ADAMTS6: variants seen among roughly 807,000 people sequenced by gnomAD.
ADAMTS6 encodes the protein ADAM metallopeptidase with thrombospondin type 1 motif 6.
A neutral mutation model predicts 144.3 loss-of-function variants in ADAMTS6; 23 were observed. That is an observed-to-expected ratio of 0.16 (90% CI 0.11 to 0.23). The LOEUF is 0.23. Ranked by LOEUF, ADAMTS6 falls within the 10% of genes least tolerant of loss-of-function variation. ADAMTS6 has a pLI of 1.00. For missense variants in ADAMTS6, 999 were observed against 1,379.6 expected, an observed-to-expected ratio of 0.72 and a Z score of 4.37; for synonymous variants, 444 against 457.5, an observed-to-expected ratio of 0.97 and a Z score of 0.38.
chr5:65,304,207 C>A (rs1292125211), intron 9 of ADAMTS6, among the ~76,000 whole-genome samples: 1 of 152,148 alleles, frequency 6.6e-6, no homozygotes, highest in Admixed American at 6.6e-5. Context: ...CATAAGAAAT[C>A]CCAGAAATGA....
intron 9 of ADAMTS6, among the ~76,000 whole-genome samples, chr5:65,323,665 T>C (rs1303072428): frequency 6.6e-6 from 1 of 152,192 alleles, no homozygotes; most frequent in Non-Finnish European, 1.5e-5. Context: ...ATGGTATTTC[T>C]AGTTCTAGAT....
chr5:65,253,639 C>T (rs900244646), intron 14 of ADAMTS6, among the ~76,000 whole-genome samples: 3 of 151,898 alleles, frequency 2.0e-5, no homozygotes, highest in African/African-American at 7.3e-5. Flanking sequence ...GGGTGGCTCA[C>T]ACATAACAGA....
chr5:65,292,319 TA>T (rs1742392043), intron 10 of ADAMTS6, among the ~76,000 whole-genome samples: 1 of 151,930 alleles, frequency 6.6e-6, no homozygotes, highest in Admixed American at 6.5e-5. Flanking sequence ...TTAGAATTTT[TA>T]AAGAATTCCT....
Position 65,382,154 on chromosome 5 carries a change from C to T in ADAMTS6, c.1074-48069G>A, listed in dbSNP as rs115733187. Among the ~76,000 whole-genome samples, 492 of 152,232 alleles carry T rather than the reference C, an allele frequency of 3.2e-3. 2 individuals carry two copies. Among genetic ancestry groups the T allele is most frequent in the African/African-American group, 0.011 (470 of 41,540 alleles). Reference sequence around the variant, plus strand: ...CAAGAGTTCTAAATGAAGGAAACTCCGTAACTCTTGGATTTTCTAATATAA... The same window carrying T: ...CAAGAGTTCTAAATGAAGGAAACTCTGTAACTCTTGGATTTTCTAATATAA... On this transcript the variant is annotated intron_variant, in intron 7 of 24. Transcript: ENST00000381055.
chr5:65,443,047 T>G (rs946390024), intron 7 of ADAMTS6, among the ~76,000 whole-genome samples: 2 of 152,226 alleles, frequency 1.3e-5, no homozygotes, highest in African/African-American at 4.8e-5. Context: ...CCATGGTGTA[T>G]AGGTACCACA....
intron 3 of ADAMTS6, among the ~76,000 whole-genome samples, chr5:65,468,616 T>C (rs1297874516): frequency 7.2e-5 from 11 of 152,160 alleles, no homozygotes; most frequent in Admixed American, 5.9e-4. Flanking sequence ...TCAAACTTAG[T>C]TAACACGGAC....
chr5:65,264,824 G>A (rs1359934908), intron 12 of ADAMTS6, among the ~76,000 whole-genome samples: 1 of 152,050 alleles, frequency 6.6e-6, no homozygotes. Context: ...GGCATGTAGT[G>A]TGTATGTAAC....
intron 17 of ADAMTS6, 103 bp downstream of exon 17, chr5:65,224,821 T>A: frequency 7.4e-7 from 1 of 1,348,302 alleles, no homozygotes; most frequent in Non-Finnish European, 9.9e-7. Context: ...AAACATTGTC[T>A]GCCTAAATAA....
chr5:65,398,806 A>G (rs1228183513), intron 7 of ADAMTS6, among the ~76,000 whole-genome samples: 74 of 95,490 alleles, frequency 7.7e-4, no homozygotes, highest in African/African-American at 3.1e-3. Flanking sequence ...GAAAGAAAGA[A>G]AGAAAGAAAG....
chr5:65,302,319 A>G (rs1402349370), intron 9 of ADAMTS6, among the ~76,000 whole-genome samples: 1 of 145,142 alleles, frequency 6.9e-6, no homozygotes, highest in Non-Finnish European at 1.5e-5. Flanking sequence ...TTATATACAT[A>G]TACATGTATA....
chr5:65,432,008 A>C (rs1410946697), intron 7 of ADAMTS6, among the ~76,000 whole-genome samples: 1 of 152,098 alleles, frequency 6.6e-6, no homozygotes, highest in Non-Finnish European at 1.5e-5. Context: ...TAAAATACTC[A>C]AATATTGTTT....
intron 20 of ADAMTS6, among the ~76,000 whole-genome samples, chr5:65,205,839 A>G (rs1315052744): frequency 6.6e-6 from 1 of 152,088 alleles, no homozygotes; most frequent in Non-Finnish European, 1.5e-5. Context: ...ATCACCCACT[A>G]TTCTTACCCC....
intron 7 of ADAMTS6, among the ~76,000 whole-genome samples, chr5:65,375,098 C>G (rs1013059478): frequency 4.6e-4 from 70 of 152,138 alleles, no homozygotes; most frequent in Non-Finnish European, 7.3e-4. Context: ...ACACCTTATT[C>G]AAAAATCAAT....
At chr5:65,160,784 CT>C (rs1752723699) in intron 24 of ADAMTS6, among the ~76,000 whole-genome samples, 1 of 151,780 alleles carries the variant, frequency 6.6e-6, no homozygotes, top group South Asian at 2.1e-4. Flanking sequence ...TCCCAAGTAG[CT>C]GGGATTACAG....
intron 7 of ADAMTS6, among the ~76,000 whole-genome samples, chr5:65,389,394 A>G (rs1028377831): frequency 1.3e-5 from 2 of 152,154 alleles, no homozygotes; most frequent in East Asian, 1.9e-4. Context: ...AGAACTTCCT[A>G]GTAAGGTGTA....
At chr5:65,398,781 C>A (rs184209248) in intron 7 of ADAMTS6, among the ~76,000 whole-genome samples, 126 of 106,972 alleles carry the variant, frequency 1.2e-3, no homozygotes, top group South Asian at 2.8e-3. Context: ...GAAGAGAGAG[C>A]AAGAAAGAAA....
intron 15 of ADAMTS6, among the ~76,000 whole-genome samples, chr5:65,236,743 T>G (rs1452475342): frequency 6.6e-6 from 1 of 151,956 alleles, no homozygotes; most frequent in Non-Finnish European, 1.5e-5. Context: ...AGCTATAAAA[T>G]ATAACATCAA....
intron 14 of ADAMTS6, among the ~76,000 whole-genome samples, chr5:65,255,322 C>A (rs1760552312): frequency 6.6e-6 from 1 of 151,922 alleles, no homozygotes; most frequent in Non-Finnish European, 1.5e-5. Context: ...TGTTTGGTTA[C>A]ATGCCTAAGT....
chr5:65,455,396 G>T (rs933951320), intron 4 of ADAMTS6, among the ~76,000 whole-genome samples: 1 of 152,080 alleles, frequency 6.6e-6, no homozygotes, highest in African/African-American at 2.4e-5. Context: ...ACAAAAATTA[G>T]CCAGATGTGG....
Sources: gnomAD v4.1 joint callset for allele counts (sites outside exome capture counted in the v4.1 genomes callset) on GRCh38, gnomAD v4.1.1 for gene constraint, MANE v1.5 for transcripts, NCBI Gene and HGNC (gene_info 2026-07-23, HGNC 2026-07-21) for gene names.